KLF8: variants seen among roughly 807,000 people sequenced by gnomAD.
The protein encoded by KLF8 is Krueppel-like factor 8.
A neutral mutation model predicts 18.2 loss-of-function variants in KLF8; 10 were observed. The observed-to-expected ratio is 0.55, with a 90% CI of 0.34 to 0.93. KLF8 has a LOEUF of 0.93. Among genes scored for constraint, KLF8 ranks in the 40% least tolerant of loss-of-function variants. The probability of loss-of-function intolerance (pLI) is 0.02; values close to 1 mark genes in which losing one functional copy is unlikely to be tolerated. For missense variants in KLF8, 264 were observed against 277.9 expected (o/e 0.95, Z 0.36); for synonymous variants, 109 against 97.3 (o/e 1.12, Z -0.71).
chrX:55,963,720 A>G, the KLF8 span, among the ~76,000 whole-genome samples: 1 of 111,945 alleles, frequency 8.9e-6, no homozygotes, highest in Admixed American at 9.5e-5. Context: ...TCATAAAGGC[A>G]GAAAACGAAC....
At chrX:56,254,644 G>A (rs1260718480) in intron 2 of KLF8, among the ~76,000 whole-genome samples, 2 of 110,771 alleles carry the variant, frequency 1.8e-5, no homozygotes, top group African/African-American at 3.3e-5. Context: ...AGTGGGAGGG[G>A]GAGCTGAAAA....
At chrX:56,162,671 C>A in the KLF8 span, among the ~76,000 whole-genome samples, 1 of 111,629 alleles carries the variant, frequency 9.0e-6, no homozygotes, top group Non-Finnish European at 1.9e-5. Flanking sequence ...ATCTGTCACC[C>A]CTGTCTTTGA....
the KLF8 span, among the ~76,000 whole-genome samples, chrX:56,164,283 C>G: frequency 1.1e-5 from 1 of 90,721 alleles, no homozygotes; most frequent in South Asian, 6.1e-4. Flanking sequence ...AGACACTAAG[C>G]CTATGTCTCT....
chrX:56,093,945 GTGTGTA>G, the KLF8 span, among the ~76,000 whole-genome samples: 160 of 104,752 alleles, frequency 1.5e-3, 1 homozygote, highest in African/African-American at 5.7e-3. Context: ...GTGTGTGTGT[GTGTGTA>G]TGAGAGAGAA....
the KLF8 span, among the ~76,000 whole-genome samples, chrX:56,082,354 G>A: frequency 9.2e-6 from 1 of 109,134 alleles, no homozygotes; most frequent in Admixed American, 9.8e-5. Flanking sequence ...TTTTTTTTTA[G>A]TCAATCTGAC....
chrX:56,166,240 T>C, the KLF8 span, among the ~76,000 whole-genome samples: 4 of 111,014 alleles, frequency 3.6e-5, no homozygotes, highest in Non-Finnish European at 7.5e-5. Flanking sequence ...TAATATTTAA[T>C]AAAATTAGTA....
chrX:55,940,833 C>T, the KLF8 span, among the ~76,000 whole-genome samples: 45 of 111,612 alleles, frequency 4.0e-4, no homozygotes, highest in African/African-American at 1.4e-3. Context: ...TGAAGGACCT[C>T]TTCAAGGAGA....
chrX:56,158,820 T>C, the KLF8 span, among the ~76,000 whole-genome samples: 1 of 111,949 alleles, frequency 8.9e-6, no homozygotes, highest in East Asian at 2.8e-4. Flanking sequence ...TATACAATCA[T>C]GTCAACTGCA....
the KLF8 span, among the ~76,000 whole-genome samples, chrX:56,047,864 T>C: frequency 0.093 from 10,306 of 111,401 alleles, 1,192 homozygotes; most frequent in African/African-American, 0.32. Context: ...ATGGTTGAAC[T>C]AGTTTACAGT....
the KLF8 span, among the ~76,000 whole-genome samples, chrX:56,143,769 T>G: frequency 1.8e-5 from 2 of 112,128 alleles, no homozygotes; most frequent in South Asian, 7.4e-4. Flanking sequence ...AAGAAAAATT[T>G]TATACTTTGT....
Position 56,289,399 on chromosome X carries a change from C to G in KLF8, c.*4905C>G, listed in dbSNP as rs1485046611. On this transcript the variant is annotated 3_prime_UTR_variant, in exon 6 of 6. Transcript: ENST00000468660. ...TTTACTGGAAAATTGTATTAGAAAC[C>G]AATATCTGGGCATTAGGTATGTTCA... Among the ~76,000 whole-genome samples the G allele has an allele frequency of 9.0e-6, 1 of 111,464 alleles. No homozygotes were observed. The highest frequency in any genetic ancestry group is 2.8e-4 in the East Asian group (1 of 3,559).
the KLF8 span, among the ~76,000 whole-genome samples, chrX:56,189,785 C>A: frequency 9.8e-6 from 1 of 102,019 alleles, no homozygotes; most frequent in Non-Finnish European, 2.0e-5. Flanking sequence ...AATCCAAACA[C>A]CACATGTTCT....
chrX:56,156,636 A>G, the KLF8 span, among the ~76,000 whole-genome samples: 3 of 108,176 alleles, frequency 2.8e-5, no homozygotes, highest in Non-Finnish European at 5.7e-5. Context: ...GGTTAGTTAC[A>G]TTTGTATACA....
chrX:56,262,116 A>T (rs1418567814), intron 2 of KLF8, among the ~76,000 whole-genome samples: 1 of 112,150 alleles, frequency 8.9e-6, no homozygotes, highest in Non-Finnish European at 1.9e-5. Flanking sequence ...ACTTCTCTCA[A>T]AGCCTTTTGA....
At chrX:55,987,371 CCCCGGGGT>C in the KLF8 span, among the ~76,000 whole-genome samples, 1 of 109,612 alleles carries the variant, frequency 9.1e-6, no homozygotes, top group Non-Finnish European at 1.9e-5. Flanking sequence ...CCACAACAGG[CCCCGGGGT>C]GTGATGTTCC....
chrX:56,081,122 A>G, the KLF8 span, among the ~76,000 whole-genome samples: 1 of 111,094 alleles, frequency 9.0e-6, no homozygotes, highest in African/African-American at 3.3e-5. Flanking sequence ...GAGTAATTTG[A>G]TCGTCTGAAG....
chrX:56,169,733 A>C, the KLF8 span, among the ~76,000 whole-genome samples: 2 of 111,901 alleles, frequency 1.8e-5, no homozygotes, highest in African/African-American at 6.5e-5. Context: ...CCTGCATGGC[A>C]TCTCTGGACC....
the KLF8 span, among the ~76,000 whole-genome samples, chrX:56,155,798 AC>A: frequency 9.1e-6 from 1 of 110,364 alleles, no homozygotes; most frequent in Non-Finnish European, 1.9e-5. Flanking sequence ...TAGTTTTTTA[AC>A]CCCCACCTCG....
chrX:56,181,797 C>CCT, the KLF8 span, among the ~76,000 whole-genome samples: 1 of 105,375 alleles, frequency 9.5e-6, no homozygotes, highest in Admixed American at 1.0e-4. Context: ...GCTCCCCCCC[C>CCT]TTCTGGCTTG....
Sources: gnomAD v4.1 joint callset for allele counts (sites outside exome capture counted in the v4.1 genomes callset) on GRCh38, gnomAD v4.1.1 for gene constraint, MANE v1.5 for transcripts, NCBI Gene and HGNC (gene_info 2026-07-23, HGNC 2026-07-21) for gene names.